The following MYO6 variants were observed in gnomAD, a reference collection of about 807,000 sequenced individuals.
The protein encoded by MYO6 is unconventional myosin-VI.
In MYO6, 74 loss-of-function variants were observed where a neutral mutation model predicts 178.7. The ratio of observed to expected loss-of-function variants is 0.41; its 90% confidence interval spans 0.34 to 0.50. The LOEUF (loss-of-function observed/expected upper bound fraction) is 0.50, where lower values mean the gene tolerates loss of function less well. MYO6 is among the 20% of genes least tolerant of loss of function. The pLI, the probability that MYO6 is intolerant of heterozygous loss-of-function variation, is 0.09. For missense variants in MYO6, 1,330 were observed against 1,547.4 expected, an observed-to-expected ratio of 0.86 and a Z score of 2.36; for synonymous variants, 477 against 504.6, an observed-to-expected ratio of 0.95 and a Z score of 0.73.
intron 11 of MYO6, among the ~76,000 whole-genome samples, chr6:75,848,858 GATTA>G (rs1261674453): frequency 6.6e-6 from 1 of 152,068 alleles, no homozygotes; most frequent in Admixed American, 6.6e-5. Flanking sequence ...TAGGTGAGAA[GATTA>G]ATTCTCTATC....
intron 1 of MYO6, among the ~76,000 whole-genome samples, chr6:75,783,291 G>A (rs1015148807): frequency 6.6e-6 from 1 of 152,076 alleles, no homozygotes. Flanking sequence ...CTATCCTTTG[G>A]GAAATAGCCT....
intron 28 of MYO6, chr6:75,894,713 TAATC>T (rs1779157014): frequency 1.4e-6 from 1 of 707,306 alleles, no homozygotes; most frequent in Non-Finnish European, 2.1e-6. Context: ...AAACTGTTCT[TAATC>T]TATAGCATGA....
intron 1 of MYO6, among the ~76,000 whole-genome samples, chr6:75,751,160 A>G (rs1776860211): frequency 6.6e-6 from 1 of 152,248 alleles, no homozygotes; most frequent in Non-Finnish European, 1.5e-5. Context: ...CTGCCGTTCA[A>G]AATAGCTCAC....
chr6:75,854,575 G>T (rs983140034), intron 11 of MYO6, among the ~76,000 whole-genome samples: 5 of 151,880 alleles, frequency 3.3e-5, no homozygotes, highest in African/African-American at 9.7e-5. Context: ...AAACACTTTT[G>T]GTCCCAAGCA....
intron 23 of MYO6, among the ~76,000 whole-genome samples, chr6:75,885,452 C>CTT (rs1297597470): frequency 1.7e-4 from 25 of 144,312 alleles, no homozygotes; most frequent in Admixed American, 9.0e-4. Flanking sequence ...ATGAGAATCT[C>CTT]TTTTTTTTTT....
intron 29 of MYO6, 123 bp from the exon 30 acceptor site, chr6:75,898,250 C>A (rs1779455355): frequency 6.4e-6 from 4 of 622,184 alleles, no homozygotes; most frequent in Non-Finnish European, 1.0e-5. Flanking sequence ...CAAAGTAAAA[C>A]AGTTATGAAC....
intron 20 of MYO6, among the ~76,000 whole-genome samples, 182 bp downstream of exon 20, chr6:75,873,482 T>C (rs1777314413): frequency 6.6e-6 from 1 of 152,232 alleles, no homozygotes; most frequent in Admixed American, 6.5e-5. Context: ...TGTACACCTG[T>C]AGTCCCAGCT....
intron 7 of MYO6, among the ~76,000 whole-genome samples, chr6:75,836,947 A>T (rs750584715): frequency 6.6e-6 from 1 of 152,092 alleles, no homozygotes; most frequent in Non-Finnish European, 1.5e-5. Context: ...CATGCCCTAG[A>T]TTCATAACAT....
In MYO6 at chr6:75,912,729, G is replaced by T. The variant is rs543513850; in HGVS notation, c.3439+1031G>T. On this transcript the variant is annotated intron_variant, in intron 33 of 34. Coordinates refer to ENST00000369977, the MANE Select transcript of MYO6 (RefSeq NM_004999.4). ...TTTGAATTAGTACATTTTCAACAAT[G>T]TAGGGAGTTTTGAAAACTTAAAAGT... is the stretch of plus-strand genomic sequence containing the variant. Among the ~76,000 whole-genome samples, 26 of 152,190 alleles carry T rather than the reference G, an allele frequency of 1.7e-4. 1 individual carries two copies. The East Asian group carries it at 4.8e-3, about 28-fold the overall frequency.
chr6:75,882,772 A>G (rs1255788993), intron 23 of MYO6, among the ~76,000 whole-genome samples: 2 of 152,200 alleles, frequency 1.3e-5, no homozygotes. Context: ...AAACACATAT[A>G]CTAACAATAG....
At position 75,817,584 on chromosome 6, in the gene MYO6, A is replaced by G. The variant is rs756235191; in HGVS notation, c.37A>G (p.Thr13Ala). Reference sequence around the variant, plus strand: ...AAAGCCCGTTTGGGCGCCACACCCTACAGATGGATTTCAGATGGGCAATAT... The same window carrying G: ...AAAGCCCGTTTGGGCGCCACACCCTGCAGATGGATTTCAGATGGGCAATAT... Reference protein sequence around the residue: ...DGKPVWAPHPTDGFQMGNIVD... With the variant: ...DGKPVWAPHPADGFQMGNIVD... Residue 13 changes from threonine (T) to alanine (A), a missense_variant, in exon 2 of 35, where the codon ACA becomes GCA. Thr to Ala is a moderately conservative substitution (Grantham distance 58). Coordinates refer to ENST00000369977, the MANE Select transcript of MYO6 (RefSeq NM_004999.4). The G allele has an allele frequency of 1.2e-6, 2 of 1,614,242 alleles. No homozygotes were observed. The highest frequency in any genetic ancestry group is 2.2e-5 in the East Asian group (1 of 44,884).
At chr6:75,820,898 C>A (rs1424902636) in intron 2 of MYO6, among the ~76,000 whole-genome samples, 1 of 152,114 alleles carries the variant, frequency 6.6e-6, no homozygotes, top group African/African-American at 2.4e-5. Context: ...CCCTACTAGA[C>A]TATGTAATCT....
chr6:75,852,138 A>G (rs1775326807), intron 11 of MYO6, among the ~76,000 whole-genome samples: 2 of 151,684 alleles, frequency 1.3e-5, no homozygotes, highest in Admixed American at 6.6e-5. Flanking sequence ...GCCTTACATA[A>G]TTTTTGGAGG....
intron 1 of MYO6, among the ~76,000 whole-genome samples, chr6:75,762,989 T>C (rs1190032009): frequency 6.6e-6 from 1 of 151,928 alleles, no homozygotes; most frequent in Non-Finnish European, 1.5e-5. Flanking sequence ...CCCAAAATGC[T>C]GAGATTATAG....
At chr6:75,788,578 C>T (rs1028597126) in intron 1 of MYO6, among the ~76,000 whole-genome samples, 2 of 149,748 alleles carry the variant, frequency 1.3e-5, no homozygotes, top group African/African-American at 2.4e-5. Flanking sequence ...TGGGGATATC[C>T]GATTCATGTA....
intron 1 of MYO6, among the ~76,000 whole-genome samples, chr6:75,779,996 C>A (rs975407624): frequency 5.9e-5 from 9 of 152,188 alleles, no homozygotes; most frequent in African/African-American, 2.2e-4. Context: ...AAAACAAATT[C>A]TCTCTGTCTG....
intron 1 of MYO6, among the ~76,000 whole-genome samples, chr6:75,750,808 G>T (rs1776823645): frequency 6.6e-6 from 1 of 151,236 alleles, no homozygotes; most frequent in Middle Eastern, 3.4e-3. Context: ...TCGAACTCCT[G>T]ACCTCAGGTG....
intron 33 of MYO6, among the ~76,000 whole-genome samples, chr6:75,913,730 AGTTT>A (rs150826715): frequency 0.016 from 2,469 of 152,144 alleles, 70 homozygotes; most frequent in African/African-American, 0.057. Flanking sequence ...AAATAATAGT[AGTTT>A]GTTTTCCTGC....
At chr6:75,903,069 C>G (rs563661723) in intron 30 of MYO6, among the ~76,000 whole-genome samples, 62 of 152,296 alleles carry the variant, frequency 4.1e-4, no homozygotes, top group African/African-American at 1.2e-3. Flanking sequence ...ATTCTAGTTT[C>G]ATTGCACTGT....
Sources: allele counts gnomAD v4.1 joint callset (sites outside exome capture counted in the v4.1 genomes callset), GRCh38; gene constraint gnomAD v4.1.1; transcripts MANE v1.5; gene names NCBI Gene and HGNC (gene_info 2026-07-23, HGNC 2026-07-21).